Variants in TMEM175 observed in about 807,000 individuals in gnomAD.
TMEM175 encodes the protein transmembrane protein 175.
In TMEM175, 36 loss-of-function variants were observed where a neutral mutation model predicts 36.5. That is an observed-to-expected ratio of 0.99 (90% CI 0.76 to 1.30). TMEM175 has a LOEUF of 1.30. Ranked by LOEUF, TMEM175 falls within the 50% of genes most tolerant of loss-of-function variation. The pLI is 0.00. For synonymous variants in TMEM175, 339 were observed against 313.4 expected (o/e 1.08, Z -0.86); for missense variants, 705 against 692.8 (o/e 1.02, Z -0.20).
Position 958,463 on chromosome 4 carries a change from C to T in TMEM175, c.1482C>T (p.Asp494=), listed in dbSNP as rs1018699748. The T allele has an allele frequency of 1.9e-6, 3 of 1,570,182 alleles. No individual in the cohort carries two copies. Among genetic ancestry groups the T allele is most frequent in the African/African-American group, 2.7e-5 (2 of 74,348 alleles). The change falls in exon 11 of 11, where the codon GAC becomes GAT. Residue 494 remains aspartate, a synonymous_variant. Transcript: ENST00000264771. The stretch of plus-strand genomic sequence containing the variant: ...CGCCAGCCCCCACGGGCCAGGACGA[C>T]CCACAGTCCCAGCTCCTCCCTGCCC... ...HPPPAPTGQD[D]PQSQLLPAPC
At chr4:953,467 G>A in intron 8 of TMEM175, 113 bp downstream of exon 8, 1 of 1,312,488 alleles carries the variant, frequency 7.6e-7, no homozygotes, top group Non-Finnish European at 1.0e-6. Context: ...ACAGGCAGGG[G>A]TTCCACCCAG....
At chr4:948,694 G>A (rs902669239) in intron 3 of TMEM175, 2 of 1,198,826 alleles carry the variant, frequency 1.7e-6, no homozygotes, top group African/African-American at 1.6e-5. Context: ...ATCTTAGAAG[G>A]GGAATGACTG....
chr4:956,823 G>A (rs998282647), intron 10 of TMEM175: 7 of 260,104 alleles, frequency 2.7e-5, no homozygotes, highest in Middle Eastern at 2.8e-3. Context: ...TCAGCACTGT[G>A]ACCACCTTGG....
intron 1 of TMEM175, among the ~76,000 whole-genome samples, chr4:947,476 C>T (rs1247204286): frequency 6.6e-6 from 1 of 152,216 alleles, no homozygotes; most frequent in Non-Finnish European, 1.5e-5. Flanking sequence ...CCACCCAGAT[C>T]AGTGTTCACC....
chr4:945,050 C>T (rs1375154713), intron 1 of TMEM175, among the ~76,000 whole-genome samples: 1 of 143,910 alleles, frequency 6.9e-6, no homozygotes, highest in East Asian at 2.0e-4. Context: ...CTGCAGTGAG[C>T]CGTGATTACG....
chr4:952,486 G>A (rs758451059), intron 7 of TMEM175, 36 bp downstream of exon 7: 7 of 1,130,502 alleles, frequency 6.2e-6, no homozygotes, highest in African/African-American at 2.0e-5. Context: ...GTGTGTGTGT[G>A]TGTGTGTGTG....
intron 1 of TMEM175, among the ~76,000 whole-genome samples, chr4:940,513 A>G (rs1016518557): frequency 1.3e-5 from 2 of 151,182 alleles, no homozygotes; most frequent in African/African-American, 2.4e-5. Flanking sequence ...AGGGTGGAGC[A>G]CCAGAGATTT....
At chr4:955,628 C>T in intron 9 of TMEM175, 127 bp from the exon 10 acceptor site, 1 of 1,476,402 alleles carries the variant, frequency 6.8e-7, no homozygotes, top group Non-Finnish European at 9.2e-7. Flanking sequence ...CTCGGGCGTC[C>T]CTGTCCTGTC....
At chr4:956,161 C>T (rs1035911951) in intron 10 of TMEM175, 38 of 696,880 alleles carry the variant, frequency 5.5e-5, no homozygotes, top group Non-Finnish European at 7.7e-5. Flanking sequence ...TCAGCACCAG[C>T]AGCCAACTGC....
intron 10 of TMEM175, chr4:956,272 C>G (rs1729623838): frequency 7.8e-7 from 1 of 1,274,604 alleles, no homozygotes; most frequent in Non-Finnish European, 1.0e-6. Context: ...CCTAGTCCCT[C>G]CCATTCCCTC....
rs148988988 is a variant in TMEM175 at position 957,835 on chromosome 4, T to C, written c.854T>C (p.Val285Ala). The part of the protein sequence containing the change: ...LLILDICEDN[V>A]PDPKDVKERF... ...TTCACTGTTCTCAGCGAAGACAACG[T>C]CCCGGACCCCAAGGATGTGAAGGAG... The change falls in exon 11 of 11, where the codon GTC becomes GCC. Residue 285 changes from valine (V) to alanine (A), a missense_variant. Val to Ala is a moderately conservative substitution (Grantham distance 64). Transcript: ENST00000264771. The C allele has an allele frequency of 2.9e-5, 46 of 1,608,942 alleles. No individual in the cohort carries two copies. The African/African-American group carries it at 5.9e-4, about 21-fold the overall frequency.
rs775107416 is a variant in TMEM175, at chr4:950,414, A to G, written c.193-7A>G. On this transcript the variant is annotated splice_region_variant and splice_polypyrimidine_tract_variant and intron_variant, in intron 3 of 10. Transcript: ENST00000264771. ...TGGGCTCTGACAGCAGTGCTCTTGT[A>G]TTCCAGCAGTTCGACAGAAGTGTAC... 10 of 1,609,670 alleles carry G rather than the reference A, an allele frequency of 6.2e-6. No homozygotes were observed. Among genetic ancestry groups the G allele is most frequent in the African/African-American group, 1.3e-5 (1 of 74,846 alleles).
intron 1 of TMEM175, among the ~76,000 whole-genome samples, chr4:933,916 T>C (rs541133354): frequency 6.6e-6 from 1 of 152,384 alleles, no homozygotes; most frequent in Admixed American, 6.5e-5. Flanking sequence ...AGCAATAGCT[T>C]AGTTTAGGCA....
chr4:952,337 G>T, intron 6 of TMEM175, 30 bp from the exon 7 acceptor site: 2 of 1,600,116 alleles, frequency 1.2e-6, no homozygotes, highest in Non-Finnish European at 1.7e-6. Context: ...TAGGATTTGG[G>T]GGGGTTTGGT....
intron 10 of TMEM175, chr4:956,442 GGTT>G: frequency 3.1e-6 from 4 of 1,270,354 alleles, no homozygotes; most frequent in Middle Eastern, 4.4e-4. Context: ...GTTTTTGTGG[GGTT>G]TTTTTTTTTT....
intron 1 of TMEM175, among the ~76,000 whole-genome samples, chr4:941,462 G>A (rs2152998072): frequency 6.9e-6 from 1 of 145,894 alleles, no homozygotes; most frequent in East Asian, 2.0e-4. Context: ...TTCTTGAGAT[G>A]GAGTCTGGCT....
In TMEM175 at chr4:958,393, C is replaced by T. The variant is rs1428683011; in HGVS notation, c.1412C>T (p.Ala471Val). 1.9e-6 allele frequency: 3 copies of T among 1,601,564 alleles called. No homozygotes were observed. In the South Asian group the frequency reaches 3.3e-5, roughly 18 times the overall value. Residue 471 changes from alanine to valine, a missense_variant, in exon 11 of 11, where the codon GCC becomes GTC. Transcript: ENST00000264771. ...CGCCTGCTCGTGGGCCTGGCCCTGG[C>T]CACCCTGCGGGTCCTGCGGGGCCTC... is the stretch of plus-strand genomic sequence containing the variant. ...LLRLLVGLAL[A>V]TLRVLRGLAR...
Position 945,396 on chromosome 4 carries a change from C to T in TMEM175, c.-31-2313C>T, listed in dbSNP as rs537627402. Among the ~76,000 whole-genome samples, 5 of 152,294 alleles carry T rather than the reference C, an allele frequency of 3.3e-5. No individual in the cohort carries two copies. The South Asian group carries it at 1.0e-3, about 32-fold the overall frequency. ...TGTCGTCTCACTCCCCGCCGTCTGT[C>T]CCCACCGTTCATTCCAGCCTCGGTT... On this transcript the variant is annotated intron_variant, in intron 1 of 10. Transcript: ENST00000264771.
intron 3 of TMEM175, chr4:948,524 C>G (rs779622329): frequency 7.2e-7 from 1 of 1,384,548 alleles, no homozygotes; most frequent in South Asian, 1.2e-5. Flanking sequence ...CCCCAGCAGG[C>G]AGGCCCCTTA....
Sources: gnomAD v4.1 joint callset for allele counts (sites outside exome capture counted in the v4.1 genomes callset) on GRCh38, gnomAD v4.1.1 for gene constraint, MANE v1.5 for transcripts, NCBI Gene and HGNC (gene_info 2026-07-23, HGNC 2026-07-21) for gene names.